Variants in KAZN observed in about 807,000 individuals in gnomAD.
KAZN encodes kazrin, periplakin interacting protein.
In KAZN, 40 loss-of-function variants were observed where a neutral mutation model predicts 87.4. The ratio of observed to expected loss-of-function variants is 0.46; its 90% confidence interval spans 0.36 to 0.60. KAZN has a LOEUF of 0.60. Among genes scored for constraint, KAZN ranks in the 20% least tolerant of loss-of-function variants. KAZN has a pLI of 0.00. For synonymous variants in KAZN, 466 were observed against 458.3 expected, an observed-to-expected ratio of 1.02 and a Z score of -0.22; for missense variants, 898 against 1,073.9, an observed-to-expected ratio of 0.84 and a Z score of 2.29.
intron 1 of KAZN, among the ~76,000 whole-genome samples, chr1:14,065,922 C>T (rs1252558617): frequency 3.3e-5 from 5 of 152,054 alleles, no homozygotes; most frequent in African/African-American, 4.8e-5. Flanking sequence ...ATCTGTCACC[C>T]GAGTAGTATA....
chr1:15,083,479 T>G (rs1640104687), intron 8 of KAZN, among the ~76,000 whole-genome samples: 1 of 152,168 alleles, frequency 6.6e-6, no homozygotes, highest in Non-Finnish European at 1.5e-5. Flanking sequence ...CTGTCCCCGG[T>G]AGCTTAGTAA....
At chr1:14,238,719 A>G (rs1228987183) in intron 2 of KAZN, among the ~76,000 whole-genome samples, 4 of 152,182 alleles carry the variant, frequency 2.6e-5, no homozygotes, top group Non-Finnish European at 5.9e-5. Context: ...GCTGCTCCGG[A>G]GGGGTGTTGC....
At chr1:13,960,058 C>G (rs2101021420) in intron 1 of KAZN, among the ~76,000 whole-genome samples, 1 of 151,632 alleles carries the variant, frequency 6.6e-6, no homozygotes, top group South Asian at 2.1e-4. Flanking sequence ...CCCCCGCCTT[C>G]ACAAAGGGTA....
chr1:13,989,773 A>T (rs1004509179), intron 1 of KAZN, among the ~76,000 whole-genome samples: 4 of 152,198 alleles, frequency 2.6e-5, no homozygotes, highest in Admixed American at 2.6e-4. Context: ...GGTACACCTC[A>T]TCAAGCTCAT....
In KAZN at chr1:14,261,815, A is replaced by T. The variant is rs77895905; in HGVS notation, c.249+81223A>T. On this transcript the variant is annotated intron_variant, in intron 2 of 16. Transcript: ENST00000636203. ...TCTGTCTTGCGGTACTTGTCACTTC[A>T]GTCTTTCTCCTTGCTTCTGGAATTC... Among the ~76,000 whole-genome samples the T allele has an allele frequency of 1.8e-3, 279 of 152,256 alleles. 1 individual carries two copies. Among genetic ancestry groups the T allele is most frequent in the Non-Finnish European group, 2.5e-3 (167 of 68,016 alleles).
At chr1:13,958,381 T>C (rs866394203) in intron 1 of KAZN, among the ~76,000 whole-genome samples, 16 of 151,754 alleles carry the variant, frequency 1.1e-4, no homozygotes, top group East Asian at 5.8e-4. Context: ...CCATCCTGGC[T>C]AACACGGTGA....
intron 2 of KAZN, among the ~76,000 whole-genome samples, chr1:14,396,122 C>T (rs771904609): frequency 3.4e-5 from 5 of 148,604 alleles, no homozygotes; most frequent in South Asian, 2.1e-4. Flanking sequence ...GAGCCGAGAC[C>T]GCACCACTGC....
chr1:15,065,985 C>G (rs866948701), intron 8 of KAZN: 10 of 1,344,438 alleles, frequency 7.4e-6, no homozygotes, highest in Middle Eastern at 2.8e-4. Flanking sequence ...CTCTCCCCTG[C>G]GTCGCCACCT....
chr1:14,214,394 A>G (rs1292177438), intron 2 of KAZN, among the ~76,000 whole-genome samples: 1 of 152,196 alleles, frequency 6.6e-6, no homozygotes, highest in East Asian at 1.9e-4. Context: ...CATGTCTGAA[A>G]TAAGGTGTAG....
chr1:15,073,030 C>T (rs377564609), intron 8 of KAZN, among the ~76,000 whole-genome samples: 3 of 152,200 alleles, frequency 2.0e-5, no homozygotes, highest in Non-Finnish European at 2.9e-5. Context: ...CCTCAGCAGT[C>T]CCTCAAGGGG....
chr1:15,097,027 T>A (rs1261404815), intron 10 of KAZN, among the ~76,000 whole-genome samples: 2 of 152,174 alleles, frequency 1.3e-5, no homozygotes, highest in Non-Finnish European at 2.9e-5. Flanking sequence ...GCAGAGGACT[T>A]ATTTTGAGTT....
intron 2 of KAZN, among the ~76,000 whole-genome samples, chr1:14,591,789 G>C (rs1676218400): frequency 6.6e-6 from 1 of 152,142 alleles, no homozygotes; most frequent in Admixed American, 6.5e-5. Context: ...ATATATACTA[G>C]GGGGTGTGTG....
intron 2 of KAZN, among the ~76,000 whole-genome samples, chr1:14,323,211 A>G (rs1177423556): frequency 2.0e-5 from 3 of 152,014 alleles, no homozygotes; most frequent in African/African-American, 7.2e-5. Flanking sequence ...ATATCACCAC[A>G]CTAGCTCTTA....
chr1:14,218,872 A>G (rs1275269226), intron 2 of KAZN, among the ~76,000 whole-genome samples: 1 of 145,994 alleles, frequency 6.8e-6, no homozygotes, highest in Non-Finnish European at 1.5e-5. Context: ...ACTATTTTGC[A>G]ACTCAGATAA....
chr1:14,404,230 G>A (rs1003644206), intron 2 of KAZN, among the ~76,000 whole-genome samples: 2 of 152,226 alleles, frequency 1.3e-5, no homozygotes, highest in Non-Finnish European at 2.9e-5. Flanking sequence ...AAGGGAAGAC[G>A]GAGACTCCAT....
intron 1 of KAZN, among the ~76,000 whole-genome samples, chr1:14,928,308 G>A (rs1176295359): frequency 6.6e-6 from 1 of 152,112 alleles, no homozygotes; most frequent in Non-Finnish European, 1.5e-5. Flanking sequence ...AATTAGCCGG[G>A]CGTGTTGGCG....
intron 2 of KAZN, among the ~76,000 whole-genome samples, chr1:14,296,675 A>C (rs1237921532): frequency 2.8e-4 from 33 of 116,016 alleles, no homozygotes; most frequent in African/African-American, 1.1e-3. Flanking sequence ...TTGCTCTGTC[A>C]CCCAGGCTGT....
intron 1 of KAZN, among the ~76,000 whole-genome samples, chr1:14,880,742 T>A (rs1653249653): frequency 6.6e-6 from 1 of 152,184 alleles, no homozygotes; most frequent in South Asian, 2.1e-4. Context: ...GACCTGGACT[T>A]CTTAGAGCAT....
intron 2 of KAZN, among the ~76,000 whole-genome samples, chr1:14,278,187 A>C (rs1436503960): frequency 6.6e-6 from 1 of 151,856 alleles, no homozygotes; most frequent in African/African-American, 2.4e-5. Context: ...AAAAAAAAAA[A>C]AAACAGAGAT....
Sources: allele counts gnomAD v4.1 joint callset (sites outside exome capture counted in the v4.1 genomes callset), GRCh38; gene constraint gnomAD v4.1.1; transcripts MANE v1.5; gene names NCBI Gene and HGNC (gene_info 2026-07-23, HGNC 2026-07-21).